Variants in ARID1B observed in about 807,000 individuals in gnomAD.
ARID1B encodes AT-rich interaction domain 1B, also known as AT-rich interactive domain-containing protein 1B.
A neutral mutation model predicts 212.3 loss-of-function variants in ARID1B; 30 were observed. That is an observed-to-expected ratio of 0.14 (90% CI 0.11 to 0.19). The LOEUF is 0.19. Ranked by LOEUF, ARID1B falls within the 10% of genes least tolerant of loss-of-function variation. ARID1B has a pLI of 1.00. For synonymous variants in ARID1B, 1,402 were observed against 1,301.7 expected (o/e 1.08, Z -1.66); for missense variants, 2,891 against 3,204.0 (o/e 0.90, Z 2.36).
intron 4 of ARID1B, among the ~76,000 whole-genome samples, chr6:156,978,957 A>AT (rs1321979529): frequency 6.6e-6 from 1 of 152,174 alleles, no homozygotes; most frequent in East Asian, 1.9e-4. Flanking sequence ...ATACATTTAC[A>AT]TTTTTTCAGT....
intron 4 of ARID1B, among the ~76,000 whole-genome samples, chr6:156,963,722 C>T (rs1444460732): frequency 6.6e-6 from 1 of 152,032 alleles, no homozygotes; most frequent in African/African-American, 2.4e-5. Context: ...TCAAATAAAT[C>T]TCCTGAAACC....
intron 1 of ARID1B, among the ~76,000 whole-genome samples, chr6:156,828,755 C>T (rs914673098): frequency 1.3e-5 from 2 of 152,182 alleles, no homozygotes; most frequent in African/African-American, 4.8e-5. Context: ...AATGAACACT[C>T]GGTTGCACTA....
At chr6:157,137,983 T>G (rs1789055098) in intron 7 of ARID1B, among the ~76,000 whole-genome samples, 1 of 152,204 alleles carries the variant, frequency 6.6e-6, no homozygotes, top group African/African-American at 2.4e-5. Context: ...TCTCATAAGT[T>G]CAACAAAGGC....
At chr6:157,108,743 T>C (rs934325700) in intron 5 of ARID1B, among the ~76,000 whole-genome samples, 9 of 152,228 alleles carry the variant, frequency 5.9e-5, no homozygotes, top group African/African-American at 1.9e-4. Flanking sequence ...TTACTACAAA[T>C]GTCTGAAACC....
chr6:157,018,931 C>T (rs546715177), intron 4 of ARID1B, among the ~76,000 whole-genome samples: 1 of 151,818 alleles, frequency 6.6e-6, no homozygotes. Flanking sequence ...CCTCAAAGGG[C>T]AAATGTACAG....
chr6:157,205,913 T>G, intron 19 of ARID1B: 2 of 478,570 alleles, frequency 4.2e-6, no homozygotes, highest in Non-Finnish European at 7.5e-6. Context: ...TAAGTTTTCG[T>G]GTAGATAGTC....
At chr6:156,780,240 C>T (rs1779154263) in intron 1 of ARID1B, 2 of 152,170 alleles carry the variant, frequency 1.3e-5, no homozygotes, top group South Asian at 2.1e-4. Flanking sequence ...GAAAGGAGCA[C>T]GTTCCGGATC....
chr6:157,131,750 G>T (rs1788564945), intron 6 of ARID1B, among the ~76,000 whole-genome samples: 1 of 152,184 alleles, frequency 6.6e-6, no homozygotes, highest in Admixed American at 6.5e-5. Flanking sequence ...GAGTGCAGGG[G>T]TGCCATCTCA....
intron 5 of ARID1B, among the ~76,000 whole-genome samples, chr6:157,090,772 CAGAGCTG>C (rs1294608464): frequency 6.6e-6 from 1 of 152,238 alleles, no homozygotes; most frequent in Non-Finnish European, 1.5e-5. Context: ...AGGGTGCCTT[CAGAGCTG>C]AGACTGTGAA....
chr6:157,138,200 TTTGGTTGGTTGGTTGGTTGG>T (rs147835417), intron 7 of ARID1B, among the ~76,000 whole-genome samples: 5 of 149,088 alleles, frequency 3.4e-5, no homozygotes, highest in African/African-American at 1.3e-4. Context: ...AACCTCCATC[TTTGGTTGGTTGGTTGGTTGG>T]TTGGTTGGTT....
At position 156,779,397 on chromosome 6, in the gene ARID1B, T is replaced by C. The variant is rs925501086; in HGVS notation, c.1717T>C (p.Trp573Arg). The C allele has an allele frequency of 3.5e-6, 5 of 1,432,202 alleles. No homozygotes were observed. Among genetic ancestry groups the C allele is most frequent in the Non-Finnish European group, 4.6e-6 (5 of 1,088,446 alleles). 88.7% of individuals were successfully genotyped at this position (1,432,202 alleles called of 1,614,324 possible). Reference protein sequence around the residue: ...GAQYAAASPAWAAAQQRSHPA... With the variant: ...GAQYAAASPARAAAQQRSHPA... ...CCAGTACGCCGCTGCCAGCCCGGCC[T>C]GGGCGGCCGCGCAACAAAGGAGTCA... Residue 573 changes from tryptophan (W) to arginine (R), a missense_variant, in exon 1 of 20, where the codon TGG (tryptophan) becomes CGG (arginine). By Grantham distance (101) the Trp-to-Arg change is moderately radical. Around this residue, in one of 7 missense-constraint regions of ARID1B, gnomAD observed 1,643 missense variants for 1,544.0 expected, o/e 1.06. Coordinates refer to ENST00000636930, the MANE Select transcript of ARID1B (RefSeq NM_001374828.1).
At position 157,186,375 on chromosome 6, in the gene ARID1B, G is replaced by C. The variant is rs565282092; in HGVS notation, c.3919+1940G>C. ...CTCAGTAGTCCAGATGGAGCCGAGGGCCTGTGACACAGGAGGCAGTGGAAG... is the reference window on the plus strand; with the variant it reads ...CTCAGTAGTCCAGATGGAGCCGAGGCCCTGTGACACAGGAGGCAGTGGAAG... On this transcript the variant is annotated intron_variant, in intron 13 of 19. Transcript: ENST00000636930. The C allele has an allele frequency of 1.9e-5, 9 of 468,536 alleles. No individual in the cohort carries two copies. In the East Asian group the frequency reaches 5.6e-4, roughly 29 times the overall value. 29.0% of individuals were successfully genotyped at this position (468,536 alleles called of 1,614,324 possible). A position where few individuals can be genotyped will look rare whatever the true frequency, so the allele number is the denominator to read the frequency against.
chr6:157,197,554 G>A (rs1253749959), intron 16 of ARID1B, among the ~76,000 whole-genome samples: 1 of 152,232 alleles, frequency 6.6e-6, no homozygotes, highest in African/African-American at 2.4e-5. Context: ...TAGGGACCTA[G>A]GAATTTACTC....
chr6:156,872,686 C>G (rs1242289543), intron 2 of ARID1B, among the ~76,000 whole-genome samples: 3 of 152,036 alleles, frequency 2.0e-5, no homozygotes, highest in Non-Finnish European at 4.4e-5. Flanking sequence ...TTAATAATTT[C>G]TATTCAGTAG....
At chr6:156,971,848 CTAAT>C (rs759382499) in intron 4 of ARID1B, among the ~76,000 whole-genome samples, 9 of 152,300 alleles carry the variant, frequency 5.9e-5, no homozygotes, top group Non-Finnish European at 1.0e-4. Flanking sequence ...TTTCGATTAA[CTAAT>C]TAGGGGCCTT....
chr6:157,118,274 T>C (rs1787464786), intron 6 of ARID1B, among the ~76,000 whole-genome samples: 1 of 152,208 alleles, frequency 6.6e-6, no homozygotes, highest in Non-Finnish European at 1.5e-5. Flanking sequence ...AACCGTGTTG[T>C]TCTTCTTTCT....
At chr6:157,039,454 C>G (rs1781571935) in intron 4 of ARID1B, among the ~76,000 whole-genome samples, 1 of 150,924 alleles carries the variant, frequency 6.6e-6, no homozygotes, top group African/African-American at 2.4e-5. Context: ...CCTCAGCCTC[C>G]CGAGTAGCTG....
intron 4 of ARID1B, among the ~76,000 whole-genome samples, chr6:156,978,772 G>T (rs968592522): frequency 1.3e-5 from 2 of 152,154 alleles, no homozygotes; most frequent in Admixed American, 6.5e-5. Flanking sequence ...AGTGTAAAAA[G>T]AATTACCATA....
chr6:156,962,270 G>T (rs1367249705), intron 4 of ARID1B, among the ~76,000 whole-genome samples: 1 of 152,204 alleles, frequency 6.6e-6, no homozygotes, highest in Non-Finnish European at 1.5e-5. Flanking sequence ...CTGCACTCCA[G>T]CCTGGGCGAC....
Sources: gnomAD v4.1 joint callset for allele counts (sites outside exome capture counted in the v4.1 genomes callset) on GRCh38, gnomAD v4.1.1 for gene constraint, gnomAD v4.1.1 regional missense constraint, MANE v1.5 for transcripts, NCBI Gene and HGNC (gene_info 2026-07-23, HGNC 2026-07-21) for gene names.